ANKRD12: variants seen among roughly 807,000 people sequenced by gnomAD.
ANKRD12 encodes the protein ankyrin repeat domain-containing protein 12.
A neutral mutation model predicts 183.4 loss-of-function variants in ANKRD12; 85 were observed. The ratio of observed to expected loss-of-function variants is 0.46; its 90% CI spans 0.39 to 0.56. The LOEUF (loss-of-function observed/expected upper bound fraction) is 0.56. Ranked by LOEUF, ANKRD12 falls within the 20% of genes least tolerant of loss-of-function variation. The pLI is 0.00. For missense variants in ANKRD12, 2,405 were observed against 2,357.1 expected (o/e 1.02, Z -0.42); for synonymous variants, 914 against 800.2 (o/e 1.14, Z -2.40).
At chr18:9,166,415 G>A (rs1030281454) in intron 1 of ANKRD12, among the ~76,000 whole-genome samples, 8 of 152,070 alleles carry the variant, frequency 5.3e-5, no homozygotes, top group East Asian at 1.9e-4. Flanking sequence ...TTGCCATTCT[G>A]ACTGGTGTGA....
At chr18:9,239,564 TC>T in intron 8 of ANKRD12, 1 of 1,267,626 alleles carries the variant, frequency 7.9e-7, no homozygotes, top group Non-Finnish European at 1.0e-6. Flanking sequence ...TCAGTAAGTA[TC>T]ATATAAAGAT....
chr18:9,137,950 T>A (rs2078177742), intron 1 of ANKRD12: 1 of 152,238 alleles, frequency 6.6e-6, no homozygotes, highest in Non-Finnish European at 1.5e-5. Context: ...ACTGTTGCAC[T>A]CGTTGAAACC....
intron 8 of ANKRD12, among the ~76,000 whole-genome samples, chr18:9,234,866 T>A (rs2037255351): frequency 1.3e-5 from 2 of 152,116 alleles, no homozygotes; most frequent in South Asian, 4.1e-4. Context: ...ATTGCAGCAG[T>A]TTGTGATGGG....
intron 9 of ANKRD12, among the ~76,000 whole-genome samples, chr18:9,261,641 C>T (rs770070951): frequency 7.9e-5 from 12 of 152,132 alleles, no homozygotes; most frequent in African/African-American, 2.9e-4. Context: ...GAAATGATGA[C>T]GACGAGAGTA....
chr18:9,223,717 T>C (rs961004261), intron 8 of ANKRD12, among the ~76,000 whole-genome samples: 6 of 152,186 alleles, frequency 3.9e-5, no homozygotes, highest in Non-Finnish European at 8.8e-5. Flanking sequence ...CAAAAGTTGT[T>C]AGAAATACAA....
rs756222159 is a variant in ANKRD12, at chr18:9,257,965, C to T, written c.4698C>T (p.Asp1566=). The T allele has an allele frequency of 6.2e-7, 1 of 1,613,928 alleles. No individual in the cohort carries two copies. The highest frequency in any genetic ancestry group is 1.1e-5 in the South Asian group (1 of 91,080). The part of the protein sequence containing the change: ...KTDAFVPVYS[D]STIQEASPNF... ...ATGCCTTTGTCCCAGTGTACTCTGACAGCACTATTCAAGAAGCATCACCAA... is the reference window on the plus strand; with the variant it reads ...ATGCCTTTGTCCCAGTGTACTCTGATAGCACTATTCAAGAAGCATCACCAA... Residue 1566 remains aspartate (D), a synonymous_variant, in exon 9 of 13, where the codon GAC becomes GAT. Coordinates refer to ENST00000262126, the MANE Select transcript of ANKRD12 (RefSeq NM_015208.5).
chr18:9,199,385 G>A (rs1462031142), intron 3 of ANKRD12, among the ~76,000 whole-genome samples: 2 of 152,198 alleles, frequency 1.3e-5, no homozygotes, highest in East Asian at 3.8e-4. Flanking sequence ...TTTACTGTGT[G>A]TATATACGTG....
At chr18:9,142,627 ATCT>A (rs1323802560) in intron 1 of ANKRD12, among the ~76,000 whole-genome samples, 5 of 152,308 alleles carry the variant, frequency 3.3e-5, no homozygotes, top group African/African-American at 9.6e-5. Flanking sequence ...CACTCCTGTA[ATCT>A]CTGCTCTTTG....
intron 8 of ANKRD12, among the ~76,000 whole-genome samples, chr18:9,237,999 A>G (rs1194771361): frequency 6.6e-6 from 1 of 152,196 alleles, no homozygotes; most frequent in African/African-American, 2.4e-5. Context: ...CATGGAACCT[A>G]GTTTTACTAA....
intron 9 of ANKRD12, among the ~76,000 whole-genome samples, chr18:9,260,658 A>G (rs1335143525): frequency 4.6e-5 from 7 of 152,202 alleles, no homozygotes; most frequent in Non-Finnish European, 2.9e-5. Context: ...AGTATTCTCA[A>G]GACTCCTGGG....
chr18:9,202,612 ACAAGTGT>A (rs1490401818), intron 3 of ANKRD12, among the ~76,000 whole-genome samples: 2 of 152,234 alleles, frequency 1.3e-5, no homozygotes, highest in Non-Finnish European at 2.9e-5. Context: ...GTTTTAAAAT[ACAAGTGT>A]CACTTGTTTT....
At chr18:9,268,004 CTG>C (rs1324692949) in intron 10 of ANKRD12, among the ~76,000 whole-genome samples, 3 of 152,216 alleles carry the variant, frequency 2.0e-5, no homozygotes, top group Non-Finnish European at 2.9e-5. Flanking sequence ...CACAAATAAA[CTG>C]GAATTATCTA....
chr18:9,153,973 T>A (rs1195405812), intron 1 of ANKRD12, among the ~76,000 whole-genome samples: 6 of 152,178 alleles, frequency 3.9e-5, no homozygotes, highest in Non-Finnish European at 8.8e-5. Flanking sequence ...ATGTTATCAG[T>A]CTTCTAGCTC....
chr18:9,241,338 G>A (rs951124766), intron 8 of ANKRD12, among the ~76,000 whole-genome samples: 2 of 152,252 alleles, frequency 1.3e-5, no homozygotes, highest in East Asian at 3.8e-4. Flanking sequence ...TAGTTAAAAT[G>A]TAAATAGTAT....
At position 9,255,542 on chromosome 18, in the gene ANKRD12, G is replaced by A. The variant is rs1422377531; in HGVS notation, c.2275G>A (p.Glu759Lys). ...EERDKIKKES[E>K]KSFREEKIKD... Reference sequence around the variant, plus strand: ...ACGAGACAAGATTAAAAAGGAAAGCGAGAAATCTTTTAGGGAGGAAAAAAT... The same window carrying A: ...ACGAGACAAGATTAAAAAGGAAAGCAAGAAATCTTTTAGGGAGGAAAAAAT... The change falls in exon 9 of 13, where the codon GAG (glutamate) becomes AAG (lysine). Residue 759 changes from glutamate (E) to lysine (K), a missense_variant. Physicochemically the swap from Glu to Lys is moderately conservative, Grantham distance 56. Coordinates refer to ENST00000262126, the MANE Select transcript of ANKRD12 (RefSeq NM_015208.5). 26 of 1,576,700 alleles carry A rather than the reference G, an allele frequency of 1.6e-5. No individual in the cohort carries two copies. The highest frequency in any genetic ancestry group is 4.5e-5 in the East Asian group (2 of 44,162).
At chr18:9,155,737 T>C (rs879400504) in intron 1 of ANKRD12, among the ~76,000 whole-genome samples, 4 of 152,214 alleles carry the variant, frequency 2.6e-5, no homozygotes, top group Non-Finnish European at 5.9e-5. Flanking sequence ...TTTTTTGTTC[T>C]TTGTTCATGT....
At chr18:9,268,014 C>G (rs1010164805) in intron 10 of ANKRD12, among the ~76,000 whole-genome samples, 7 of 152,218 alleles carry the variant, frequency 4.6e-5, no homozygotes, top group African/African-American at 1.7e-4. Flanking sequence ...CTGGAATTAT[C>G]TAGAAGAAAT....
rs1285011733 is a variant in ANKRD12 at position 9,182,466 on chromosome 18, A to G, written c.34A>G (p.Ser12Gly). ...PKSGFTKPIQ[S>G]ENSDSDSNMV... ...ATCTGGGTTCACAAAACCAATTCAGAGTGAAAATTCTGACAGTGACAGCAA... is the reference window on the plus strand; with the variant it reads ...ATCTGGGTTCACAAAACCAATTCAGGGTGAAAATTCTGACAGTGACAGCAA... Residue 12 changes from serine (S) to glycine (G), a missense_variant, in exon 2 of 13, where the codon AGT (serine) becomes GGT (glycine). This residue lies in a region of ANKRD12 where 145 missense variants were observed against 145.6 expected (regional missense o/e 1.00). Coordinates refer to ENST00000262126, the MANE Select transcript of ANKRD12 (RefSeq NM_015208.5). The G allele has an allele frequency of 6.2e-7, 1 of 1,612,014 alleles. No homozygotes were observed. Among genetic ancestry groups the G allele is most frequent in the Non-Finnish European group, 8.5e-7 (1 of 1,178,878 alleles).
At chr18:9,179,425 T>C (rs1439271647) in intron 1 of ANKRD12, among the ~76,000 whole-genome samples, 1 of 152,156 alleles carries the variant, frequency 6.6e-6, no homozygotes, top group Non-Finnish European at 1.5e-5. Flanking sequence ...TATTAATGGG[T>C]ATTGAATGTT....
Sources: allele counts gnomAD v4.1 joint callset (sites outside exome capture counted in the v4.1 genomes callset), GRCh38; gene constraint gnomAD v4.1.1; regional missense constraint gnomAD v4.1.1; transcripts MANE v1.5; gene names NCBI Gene and HGNC (gene_info 2026-07-23, HGNC 2026-07-21).